TRHDE: variants seen among roughly 807,000 people sequenced by gnomAD.
TRHDE encodes thyrotropin releasing hormone degrading enzyme.
In TRHDE, 72 loss-of-function variants were observed where a neutral mutation model predicts 125.7. That is an observed-to-expected ratio of 0.57 (90% confidence interval 0.47 to 0.70). TRHDE has a LOEUF of 0.70. TRHDE is among the 30% of genes least tolerant of loss of function. The pLI, the probability that TRHDE is intolerant of heterozygous loss-of-function variation, is 0.00. For synonymous variants in TRHDE, 509 were observed against 509.1 expected, an observed-to-expected ratio of 1.00 and a Z score of 0.00; for missense variants, 1,110 against 1,327.1, an observed-to-expected ratio of 0.84 and a Z score of 2.54.
intron 10 of TRHDE, among the ~76,000 whole-genome samples, chr12:72,574,444 A>G (rs921723282): frequency 6.6e-6 from 1 of 152,074 alleles, no homozygotes; most frequent in South Asian, 2.1e-4. Flanking sequence ...GTAACATGAG[A>G]CCTGAAAATC....
At chr12:72,113,240 A>G (rs2139296443) in intron 2 of TRHDE, among the ~76,000 whole-genome samples, 1 of 151,714 alleles carries the variant, frequency 6.6e-6, no homozygotes, top group East Asian at 2.0e-4. Flanking sequence ...GCTGGTCTTG[A>G]ACTCCTGGGC....
intron 1 of TRHDE, among the ~76,000 whole-genome samples, chr12:72,089,560 C>T (rs1168187464): frequency 6.6e-6 from 1 of 152,112 alleles, no homozygotes; most frequent in African/African-American, 2.4e-5. Flanking sequence ...AATGCTCTTC[C>T]TTCATGTATT....
chr12:72,108,342 A>T (rs921312692), intron 2 of TRHDE, among the ~76,000 whole-genome samples: 1 of 152,104 alleles, frequency 6.6e-6, no homozygotes, highest in African/African-American at 2.4e-5. Context: ...CCTCATCCAG[A>T]ATAGAAGAAA....
At position 72,589,844 on chromosome 12, in the gene TRHDE, G is replaced by A. The variant is rs549032327; in HGVS notation, c.2321+14302G>A. Among the ~76,000 whole-genome samples the A allele has an allele frequency of 2.6e-5, 4 of 151,468 alleles. No homozygotes were observed. In the East Asian group the frequency reaches 7.7e-4, roughly 29 times the overall value. On this transcript the variant is annotated intron_variant, in intron 12 of 18. Coordinates refer to ENST00000261180, the MANE Select transcript of TRHDE (RefSeq NM_013381.3). ...AATTTGTTGATATTCTCAAAGAATC[G>A]GTTTCTGGTCTTGTTAATTTTTAAA...
At chr12:72,392,588 A>G (rs1486982096) in intron 3 of TRHDE, among the ~76,000 whole-genome samples, 1 of 152,210 alleles carries the variant, frequency 6.6e-6, no homozygotes, top group Non-Finnish European at 1.5e-5. Flanking sequence ...ATACAATCTC[A>G]GTTACAATTA....
At chr12:72,621,449 C>G (rs1427696369) in intron 14 of TRHDE, 195 bp from the exon 15 acceptor site, 2 of 590,278 alleles carry the variant, frequency 3.4e-6, no homozygotes, top group Non-Finnish European at 5.9e-6. Flanking sequence ...GAGATCAGAA[C>G]CCATGCCTCT....
intron 2 of TRHDE, among the ~76,000 whole-genome samples, chr12:72,246,686 A>G (rs1592498507): frequency 6.6e-6 from 1 of 152,222 alleles, no homozygotes; most frequent in Admixed American, 6.5e-5. Context: ...CTCACCTTCT[A>G]TTCCTCTTGC....
chr12:72,487,467 G>A (rs755632809), intron 5 of TRHDE, among the ~76,000 whole-genome samples: 1 of 152,040 alleles, frequency 6.6e-6, no homozygotes, highest in Non-Finnish European at 1.5e-5. Context: ...TACAGGCCAG[G>A]AAAGAACGGG....
At chr12:72,573,750 A>G (rs1035428873) in intron 10 of TRHDE, among the ~76,000 whole-genome samples, 4 of 152,010 alleles carry the variant, frequency 2.6e-5, no homozygotes, top group African/African-American at 9.7e-5. Context: ...TGTATATCAT[A>G]TTATAGTAAA....
At chr12:72,120,281 C>G (rs1296097042) in intron 2 of TRHDE, among the ~76,000 whole-genome samples, 1 of 151,916 alleles carries the variant, frequency 6.6e-6, no homozygotes, top group Non-Finnish European at 1.5e-5. Flanking sequence ...GATCTCCTGA[C>G]CTCATGGTCT....
intron 2 of TRHDE, among the ~76,000 whole-genome samples, chr12:72,323,313 G>A (rs992571709): frequency 3.9e-5 from 6 of 152,120 alleles, no homozygotes; most frequent in Non-Finnish European, 7.4e-5. Context: ...TCACCTGGCA[G>A]GGAATAATTT....
rs1245397651 is a variant in TRHDE at position 72,290,891 on chromosome 12, A to C, written c.1188+3937A>C. Among the ~76,000 whole-genome samples, 3 of 152,330 alleles carry C rather than the reference A, an allele frequency of 2.0e-5. No homozygotes were observed. In the East Asian group the frequency reaches 5.8e-4, roughly 29 times the overall value. ...CAGAAGTCACAGAGCATCACTTTTA[A>C]GACATTCTATTGGTTATAAGTGAGC... On this transcript the variant is annotated intron_variant, in intron 2 of 18. Transcript: ENST00000261180.
At chr12:72,535,997 G>A (rs959782882) in intron 6 of TRHDE, among the ~76,000 whole-genome samples, 7 of 152,098 alleles carry the variant, frequency 4.6e-5, no homozygotes, top group African/African-American at 1.4e-4. Flanking sequence ...CTTGGACAAA[G>A]CACCTAATCC....
chr12:72,286,615 T>C, intron 1 of TRHDE, 66 bp from the exon 2 acceptor site: 3 of 1,427,332 alleles, frequency 2.1e-6, no homozygotes, highest in Non-Finnish European at 2.9e-6. Context: ...AACAGAAGCA[T>C]GTAATGTGGC....
chr12:72,661,493 T>C (rs190942358), intron 18 of TRHDE, among the ~76,000 whole-genome samples: 48 of 152,204 alleles, frequency 3.2e-4, no homozygotes, highest in Non-Finnish European at 6.0e-4. Flanking sequence ...CATATTTTTA[T>C]AATAAATTAA....
rs1313567515 is a variant in TRHDE, at chr12:72,575,387, A to G, written c.2264A>G (p.Glu755Gly). The change falls in exon 11 of 19, where the codon GAG (glutamate) becomes GGG (glycine). Residue 755 changes from glutamate (E) to glycine (G), a missense_variant and splice_region_variant. Transcript: ENST00000261180. ...LLIDQLIRNH[E>G]VLSVSNRAGL... ...ATTGATCAATTAATCCGGAATCATGAGGTACACTCCAGATTTGCTTATCAA... is the reference window on the plus strand; with the variant it reads ...ATTGATCAATTAATCCGGAATCATGGGGTACACTCCAGATTTGCTTATCAA... 5 of 1,613,524 alleles carry G rather than the reference A, an allele frequency of 3.1e-6. No individual in the cohort carries two copies. The highest frequency in any genetic ancestry group is 1.3e-5 in the African/African-American group (1 of 74,892).
chr12:72,264,923 GAC>G (rs1334063132), intron 2 of TRHDE, among the ~76,000 whole-genome samples: 1 of 149,206 alleles, frequency 6.7e-6, no homozygotes. Flanking sequence ...TTTTAATAGA[GAC>G]TGTTCTAGAG....
chr12:72,200,550 G>A (rs960282158), intron 2 of TRHDE, among the ~76,000 whole-genome samples: 3 of 152,218 alleles, frequency 2.0e-5, no homozygotes, highest in Admixed American at 6.5e-5. Flanking sequence ...CATAAGTGGC[G>A]AGTATTGACT....
chr12:72,116,547 G>A (rs1875448103), intron 2 of TRHDE, among the ~76,000 whole-genome samples: 1 of 152,052 alleles, frequency 6.6e-6, no homozygotes, highest in Non-Finnish European at 1.5e-5. Context: ...TATAATGATT[G>A]ACATTCTAAT....
Sources: gnomAD v4.1 joint callset for allele counts (sites outside exome capture counted in the v4.1 genomes callset) on GRCh38, gnomAD v4.1.1 for gene constraint, MANE v1.5 for transcripts, NCBI Gene and HGNC (gene_info 2026-07-23, HGNC 2026-07-21) for gene names.